The following HINT2 variants were observed in gnomAD, a reference collection of about 807,000 sequenced individuals.
The protein encoded by HINT2 is histidine triad nucleotide binding protein 2, also known as adenosine 5'-monophosphoramidase HINT2.
HINT2 carries 17 observed loss-of-function variants against 20.0 expected under a neutral mutation model. The observed-to-expected ratio is 0.85, with a 90% CI of 0.58 to 1.27. The LOEUF (loss-of-function observed/expected upper bound fraction) is 1.27. Ranked by LOEUF, HINT2 falls within the 50% of genes most tolerant of loss-of-function variation. The pLI is 0.00. For synonymous variants in HINT2, 96 were observed against 84.2 expected, an observed-to-expected ratio of 1.14 and a Z score of -0.77; for missense variants, 217 against 211.9, an observed-to-expected ratio of 1.02 and a Z score of -0.15.
At chr9:35,813,379 G>T in intron 3 of HINT2, 41 bp from the exon 4 acceptor site, 1 of 1,609,420 alleles carries the variant, frequency 6.2e-7, no homozygotes, top group Non-Finnish European at 8.5e-7. Flanking sequence ...TTCATTCATA[G>T]GGAGCAAGAC....
upstream of HINT2, chr9:35,815,058 G>A: frequency 7.9e-7 from 1 of 1,267,462 alleles, no homozygotes; most frequent in Non-Finnish European, 1.0e-6. Context: ...CTCCGGGCGC[G>A]GGGAAGCGGG....
At position 35,813,101 on chromosome 9, in the gene HINT2, GC is replaced by G. The variant is rs761702624; in HGVS notation, c.444del (p.His149ThrfsTer20). 8 of 1,614,076 alleles carry G rather than the reference GC, an allele frequency of 5.0e-6. No individual in the cohort carries two copies. The highest frequency in any genetic ancestry group is 6.8e-6 in the Non-Finnish European group (8 of 1,180,046). On this transcript the variant is annotated frameshift_variant, in exon 5 of 5. Transcript: ENST00000259667. LOFTEE classifies it high-confidence loss of function. ...TGCCGGCCCCCAAGTACATGAATGT[GC>G]AGATGATACACAGATTGTGCACCCA... ...GKLGAQSVYH[L>X]HIHVLGGRQL... is the part of the protein sequence containing the mutation.
chr9:35,814,767 G>A (rs1333972221), intron 1 of HINT2, 132 bp downstream of exon 1: 8 of 747,220 alleles, frequency 1.1e-5, no homozygotes, highest in Non-Finnish European at 1.6e-5. Context: ...CACAGCCCCG[G>A]AGCTTGTGCC....
At chr9:35,815,249 T>G, upstream of HINT2, 3 of 394,684 alleles carry the variant, frequency 7.6e-6, no homozygotes, top group Admixed American at 4.7e-5. Flanking sequence ...GAACGTTCTT[T>G]TCCCATTGGA....
Position 35,815,027 on chromosome 9 carries a change from G to A in HINT2, c.-48C>T, listed in dbSNP as rs1828986476. On this transcript the variant is annotated 5_prime_UTR_variant, in exon 1 of 5. Coordinates refer to ENST00000259667, the MANE Select transcript of HINT2 (RefSeq NM_032593.3). Reference sequence around the variant, plus strand: ...CTCACCCGGGTCAGCACTCGGCTCCGCGGCCGGCCGTGGGTGGGGACTCCG... The same window carrying A: ...CTCACCCGGGTCAGCACTCGGCTCCACGGCCGGCCGTGGGTGGGGACTCCG... 5.9e-6 allele frequency: 8 copies of A among 1,364,596 alleles called. No homozygotes were observed. Among genetic ancestry groups the A allele is most frequent in the African/African-American group, 1.5e-5 (1 of 65,598 alleles). The allele number at this position is 1,364,596 out of a possible 1,614,324, so 84.5% of individuals were successfully genotyped here. A position where few individuals can be genotyped will look rare whatever the true frequency, so the allele number is the denominator to read the frequency against.
intron 1 of HINT2, chr9:35,814,640 A>G: frequency 2.2e-6 from 1 of 450,088 alleles, no homozygotes; most frequent in East Asian, 3.7e-5. Context: ...GGCTGCAGGC[A>G]GTGGAAAGAA....
intron 1 of HINT2, 154 bp from the exon 2 acceptor site, chr9:35,813,938 A>G (rs1270005856): frequency 2.6e-6 from 2 of 774,792 alleles, no homozygotes; most frequent in Non-Finnish European, 4.1e-6. Flanking sequence ...GTAGGGCCAG[A>G]AGGTGCTGGA....
chr9:35,814,229 T>G lies in HINT2; in HGVS notation c.82-445A>C, dbSNP rs74455221. The stretch of plus-strand genomic sequence containing the variant: ...TTAGTACATTTCCACTTATTTCCGT[T>G]ACTTGTTTTCTGATCTTTAAGCCTT... On this transcript the variant is annotated intron_variant, in intron 1 of 4. Coordinates refer to ENST00000259667, the MANE Select transcript of HINT2 (RefSeq NM_032593.3). The G allele has an allele frequency of 3.7e-4, 60 of 160,632 alleles. 2 individuals carry two copies. The East Asian group carries it at 7.8e-3, about 21-fold the overall frequency. The allele number at this position is 160,632 out of a possible 1,614,324, so 10.0% of individuals were successfully genotyped here.
At position 35,812,989 on chromosome 9, in the gene HINT2, A is replaced by G. The variant is rs1348647380; in HGVS notation, c.*65T>C. The G allele has an allele frequency of 1.7e-6, 2 of 1,201,582 alleles. No individual in the cohort carries two copies. The highest frequency in any genetic ancestry group is 3.0e-5 in the African/African-American group (2 of 67,054). 74.4% of individuals were successfully genotyped at this position (1,201,582 alleles called of 1,614,324 possible). ...GGGAGAACAGTTTTATTAGCATCAC[A>G]GGGTCCATTTTTCCCTTTCCATCCA... On this transcript the variant is annotated 3_prime_UTR_variant, in exon 5 of 5. Transcript: ENST00000259667.
intron 1 of HINT2, chr9:35,813,993 C>T (rs1564002296): frequency 6.9e-6 from 4 of 582,148 alleles, no homozygotes; most frequent in Non-Finnish European, 6.1e-6. Flanking sequence ...TTCAGCAGTG[C>T]AATTGATTCC....
rs1387811841 is a variant in HINT2, at chr9:35,813,709, G to A, written c.157C>T (p.Pro53Ser). Residue 53 changes from proline (P) to serine (S), a missense_variant, in exon 2 of 5, where the codon CCA (proline) becomes TCA (serine). Transcript: ENST00000259667. ...TCCAGGATCCGGGAGAAGATGGTTG[G>A]GGCTGCTCCCCCAGGAGTTGCCTGC... ...AQQATPGGAA[P>S]TIFSRILDKS... The A allele has an allele frequency of 1.2e-6, 2 of 1,614,046 alleles. No homozygotes were observed. The highest frequency in any genetic ancestry group is 1.7e-5 in the Admixed American group (1 of 60,012).
rs1213312265 is a variant in HINT2 at position 35,814,907 on chromosome 9, C to A, written c.73G>T (p.Gly25Trp). ...RRAVAATGVRGGQVRGAAGVT... is the reference protein window; with the variant it reads ...RRAVAATGVRWGQVRGAAGVT... ...CCCGCGCCACTTCTCACCTGCCCCC[C>A]GCGCACCCCCGTGGCCGCCACGGCT... The change falls in exon 1 of 5, where the codon GGG (glycine) becomes TGG (tryptophan). Residue 25 changes from glycine (G) to tryptophan (W), a missense_variant. Physicochemically the swap from Gly to Trp is radical, Grantham distance 184. Coordinates refer to ENST00000259667, the MANE Select transcript of HINT2 (RefSeq NM_032593.3). The A allele has an allele frequency of 2.0e-6, 3 of 1,487,780 alleles. No individual in the cohort carries two copies. Among genetic ancestry groups the A allele is most frequent in the Admixed American group, 4.6e-5 (2 of 43,668 alleles). The allele number at this position is 1,487,780 out of a possible 1,614,324, so 92.2% of individuals were successfully genotyped here.
Position 35,815,029 on chromosome 9 carries a change from G to A in HINT2, c.-50C>T, listed in dbSNP as rs1184824929. 2 of 1,361,002 alleles carry A rather than the reference G, an allele frequency of 1.5e-6. No individual in the cohort carries two copies. Among genetic ancestry groups the A allele is most frequent in the Non-Finnish European group, 1.9e-6 (2 of 1,059,966 alleles). The allele number at this position is 1,361,002 out of a possible 1,614,324, so 84.3% of individuals were successfully genotyped here. A position where few individuals can be genotyped will look rare whatever the true frequency, so the allele number is the denominator to read the frequency against. ...CACCCGGGTCAGCACTCGGCTCCGCGGCCGGCCGTGGGTGGGGACTCCGGG... is the reference window on the plus strand; with the variant it reads ...CACCCGGGTCAGCACTCGGCTCCGCAGCCGGCCGTGGGTGGGGACTCCGGG... On this transcript the variant is annotated 5_prime_UTR_variant, in exon 1 of 5. Transcript: ENST00000259667.
At position 35,814,888 on chromosome 9, in the gene HINT2, C is replaced by G. The variant is rs1011682441; in HGVS notation, c.81+11G>C. 6.7e-7 allele frequency: 1 copy of G among 1,489,190 alleles called. No individual in the cohort carries two copies. The highest frequency in any genetic ancestry group is 1.5e-5 in the African/African-American group (1 of 68,598). The allele number at this position is 1,489,190 out of a possible 1,614,324, so 92.2% of individuals were successfully genotyped here. On this transcript the variant is annotated intron_variant, in intron 1 of 4. Coordinates refer to ENST00000259667, the MANE Select transcript of HINT2 (RefSeq NM_032593.3). ...GCAGGACCCCCTACTCGCTCCCGCG[C>G]CACTTCTCACCTGCCCCCCGCGCAC...
intron 1 of HINT2, 145 bp downstream of exon 1, chr9:35,814,754 C>T (rs1337671140): frequency 1.0e-5 from 7 of 685,416 alleles, no homozygotes; most frequent in Non-Finnish European, 1.6e-5. Context: ...TTCGACCTCA[C>T]CACACAGCCC....
At position 35,815,010 on chromosome 9, in the gene HINT2, G is replaced by A. The variant is rs1015687408; in HGVS notation, c.-31C>T. 3.5e-6 allele frequency: 5 copies of A among 1,412,284 alleles called. No homozygotes were observed. Among genetic ancestry groups the A allele is most frequent in the African/African-American group, 1.5e-5 (1 of 66,544 alleles). 87.5% of individuals were successfully genotyped at this position (1,412,284 alleles called of 1,614,324 possible). On this transcript the variant is annotated 5_prime_UTR_variant, in exon 1 of 5. Transcript: ENST00000259667. ...CTGAGCCGCGGGAACCTCTCACCCG[G>A]GTCAGCACTCGGCTCCGCGGCCGGC...
At chr9:35,813,934 C>T (rs1828939002) in intron 1 of HINT2, 150 bp from the exon 2 acceptor site, 1 of 813,182 alleles carries the variant, frequency 1.2e-6, no homozygotes, top group South Asian at 1.8e-5. Context: ...AAGGGTAGGG[C>T]CAGAAGGTGC....
At chr9:35,814,570 G>A (rs1192222504) in intron 1 of HINT2, 3 of 323,246 alleles carry the variant, frequency 9.3e-6, no homozygotes, top group Non-Finnish European at 1.7e-5. Flanking sequence ...CCTGAGGAGG[G>A]CAGAGCACTG....
Position 35,813,118 on chromosome 9 carries a change from T to G in HINT2, c.428A>C (p.Gln143Pro), listed in dbSNP as rs748813853. The change falls in exon 5 of 5, where the codon CAA becomes CCA. Residue 143 changes from glutamine to proline, a missense_variant. Physicochemically the swap from Gln to Pro is moderately conservative, Grantham distance 76 (BLOSUM62 -1). Coordinates refer to ENST00000259667, the MANE Select transcript of HINT2 (RefSeq NM_032593.3). ...LVINDGKLGA[Q>P]SVYHLHIHVL... Reference sequence around the variant, plus strand: ...ATGAATGTGCAGATGATACACAGATTGTGCACCCAGCTTCCCATCGTTGAT... The same window carrying G: ...ATGAATGTGCAGATGATACACAGATGGTGCACCCAGCTTCCCATCGTTGAT... The G allele has an allele frequency of 1.5e-5, 25 of 1,614,080 alleles. No homozygotes were observed. The highest frequency in any genetic ancestry group is 2.0e-5 in the Non-Finnish European group (24 of 1,180,030).
Sources: gnomAD v4.1 joint callset for allele counts on GRCh38, gnomAD v4.1.1 for gene constraint, MANE v1.5 for transcripts, NCBI Gene and HGNC (gene_info 2026-07-23, HGNC 2026-07-21) for gene names.